Variants in BTBD9 observed in about 807,000 individuals in gnomAD.
The protein encoded by BTBD9 is BTB/POZ domain-containing protein 9.
A neutral mutation model predicts 64.3 loss-of-function variants in BTBD9; 49 were observed. That is an observed-to-expected ratio of 0.76 (90% CI 0.61 to 0.97). BTBD9 has a LOEUF of 0.97. BTBD9 is among the 50% of genes least tolerant of loss of function. The pLI, the probability that BTBD9 is intolerant of heterozygous loss-of-function variation, is 0.00. For synonymous variants in BTBD9, 260 were observed against 274.7 expected (o/e 0.95, Z 0.53); for missense variants, 598 against 762.1 (o/e 0.78, Z 2.53).
rs185449810 is a variant in BTBD9, at chr6:38,191,805, T to C, written c.1641+714A>G. Reference sequence around the variant, plus strand: ...CGTGTGGGCTGAGGCTCCAAGGTCCTGGTGTGTGTTCCGCTGTGCCGTGGA... The same window carrying C: ...CGTGTGGGCTGAGGCTCCAAGGTCCCGGTGTGTGTTCCGCTGTGCCGTGGA... On this transcript the variant is annotated intron_variant, in intron 10 of 10. Coordinates refer to ENST00000481247, the MANE Select transcript of BTBD9 (RefSeq NM_001099272.2). Among the ~76,000 whole-genome samples, 4 of 152,310 alleles carry C rather than the reference T, an allele frequency of 2.6e-5. No individual in the cohort carries two copies. The East Asian group carries it at 7.7e-4, about 29-fold the overall frequency.
At chr6:38,302,101 T>A (rs554977534) in intron 7 of BTBD9, among the ~76,000 whole-genome samples, 9 of 152,314 alleles carry the variant, frequency 5.9e-5, no homozygotes, top group Admixed American at 1.3e-4. Flanking sequence ...ATATATCGTC[T>A]CATACATTTA....
chr6:38,475,277 T>A (rs1291094862), intron 6 of BTBD9, among the ~76,000 whole-genome samples: 1 of 152,230 alleles, frequency 6.6e-6, no homozygotes, highest in Non-Finnish European at 1.5e-5. Flanking sequence ...TTCCAAATTT[T>A]CTTCAATAGT....
chr6:38,354,687 CCCTTGTGAAATTCTGAA>C (rs1191839518), intron 6 of BTBD9, among the ~76,000 whole-genome samples: 1 of 152,054 alleles, frequency 6.6e-6, no homozygotes, highest in Non-Finnish European at 1.5e-5. Flanking sequence ...CCTCCTTTTC[CCCTTGTGAAATTCTGAA>C]CCTCTACTTA....
At chr6:38,520,469 A>C (rs1341515942) in intron 6 of BTBD9, among the ~76,000 whole-genome samples, 1 of 152,192 alleles carries the variant, frequency 6.6e-6, no homozygotes. Flanking sequence ...TCAAAACAAA[A>C]AAACAAACAA....
chr6:38,177,619 G>A (rs986791019), intron 10 of BTBD9, among the ~76,000 whole-genome samples: 3 of 152,206 alleles, frequency 2.0e-5, no homozygotes, highest in South Asian at 2.1e-4. Context: ...TCTCTGCTCC[G>A]CACTGCGCTG....
At chr6:38,369,649 T>G (rs1454805281) in intron 6 of BTBD9, among the ~76,000 whole-genome samples, 2 of 152,178 alleles carry the variant, frequency 1.3e-5, no homozygotes, top group East Asian at 3.8e-4. Flanking sequence ...AGAAGAGAGA[T>G]AGGTAAGGAG....
intron 6 of BTBD9, among the ~76,000 whole-genome samples, chr6:38,359,602 G>A (rs990260414): frequency 3.3e-5 from 5 of 152,144 alleles, no homozygotes; most frequent in African/African-American, 1.2e-4. Flanking sequence ...AGAAAACTCA[G>A]TTACACAGGG....
intron 7 of BTBD9, among the ~76,000 whole-genome samples, chr6:38,296,037 G>C (rs1012242120): frequency 1.3e-5 from 2 of 151,978 alleles, no homozygotes; most frequent in Non-Finnish European, 2.9e-5. Flanking sequence ...AACAAAGCGA[G>C]ACTCTGTCTC....
At chr6:38,246,528 C>G (rs1561921735) in intron 9 of BTBD9, among the ~76,000 whole-genome samples, 1 of 151,594 alleles carries the variant, frequency 6.6e-6, no homozygotes, top group African/African-American at 2.4e-5. Flanking sequence ...GAAACCATTC[C>G]TCTTACAGGT....
chr6:38,571,152 C>A (rs184304471), intron 6 of BTBD9, among the ~76,000 whole-genome samples: 1 of 152,280 alleles, frequency 6.6e-6, no homozygotes, highest in East Asian at 1.9e-4. Flanking sequence ...TAAGGCATTT[C>A]TTGAATTGTG....
intron 7 of BTBD9, among the ~76,000 whole-genome samples, chr6:38,334,709 C>A (rs1763826443): frequency 6.6e-6 from 1 of 151,808 alleles, no homozygotes; most frequent in African/African-American, 2.4e-5. Context: ...TTACATTTAC[C>A]TAGACACACA....
At chr6:38,539,120 T>G (rs1038536934) in intron 6 of BTBD9, among the ~76,000 whole-genome samples, 3 of 152,088 alleles carry the variant, frequency 2.0e-5, no homozygotes, top group Non-Finnish European at 2.9e-5. Context: ...TTTGGAGAGA[T>G]AAAGTCTCGC....
In BTBD9 at chr6:38,594,130, GAATCCTCTAGCTCTGGAA is replaced by G; in HGVS notation, c.365_382del (p.Phe122_Asp127del). The G allele has an allele frequency of 1.2e-6, 2 of 1,614,182 alleles. No individual in the cohort carries two copies. Among genetic ancestry groups the G allele is most frequent in the Non-Finnish European group, 1.7e-6 (2 of 1,180,036 alleles). On this transcript the variant is annotated inframe_deletion, in exon 3 of 11. Transcript: ENST00000481247. ...TATGGTGCAGAGATACTCAGAGGTA[GAATCCTCTAGCTCTGGAA>G]ATCCATATTTATGAGCCAGGCTCAA...
At chr6:38,274,804 C>T (rs1765322608) in intron 8 of BTBD9, among the ~76,000 whole-genome samples, 1 of 152,046 alleles carries the variant, frequency 6.6e-6, no homozygotes, top group South Asian at 2.1e-4. Flanking sequence ...AGGATTTTTG[C>T]ATCAATGTTC....
At chr6:38,387,225 T>TA (rs1218564212) in intron 6 of BTBD9, among the ~76,000 whole-genome samples, 2 of 152,230 alleles carry the variant, frequency 1.3e-5, no homozygotes, top group Non-Finnish European at 2.9e-5. Flanking sequence ...GGAGAGACTA[T>TA]AGTAAGTCTA....
At position 38,304,808 on chromosome 6, in the gene BTBD9, AAAG is replaced by A. The variant is rs200850783; in HGVS notation, c.1265-16350_1265-16348del. ...ATAACCAAATGATGCTGACACCTGG[AAAG>A]AAGAAGAAAAGGACCTAAGGCACAA... On this transcript the variant is annotated intron_variant, in intron 7 of 10. Transcript: ENST00000481247. Among the ~76,000 whole-genome samples, 858 of 152,234 alleles carry A rather than the reference AAAG, an allele frequency of 5.6e-3. 10 individuals carry two copies. The highest frequency in any genetic ancestry group is 0.019 in the African/African-American group (787 of 41,544).
chr6:38,176,542 C>T (rs11754110), intron 10 of BTBD9, among the ~76,000 whole-genome samples: 77,709 of 152,072 alleles, frequency 0.51, 21,296 homozygotes, highest in Non-Finnish European at 0.62. Context: ...CTGAAGCTGT[C>T]CCCACTTAGC....
intron 6 of BTBD9, among the ~76,000 whole-genome samples, chr6:38,376,249 A>C (rs1389896392): frequency 6.6e-6 from 1 of 152,212 alleles, no homozygotes; most frequent in Non-Finnish European, 1.5e-5. Flanking sequence ...AAATATTGTA[A>C]GAGTTCAACA....
chr6:38,549,915 T>A (rs1217456395), intron 6 of BTBD9, among the ~76,000 whole-genome samples: 1 of 152,108 alleles, frequency 6.6e-6, no homozygotes, highest in Non-Finnish European at 1.5e-5. Context: ...CCCGACACAG[T>A]TGATCACTCC....
Sources: allele counts gnomAD v4.1 joint callset (sites outside exome capture counted in the v4.1 genomes callset), GRCh38; gene constraint gnomAD v4.1.1; transcripts MANE v1.5; gene names NCBI Gene and HGNC (gene_info 2026-07-23, HGNC 2026-07-21).